HDDC2: variants seen among roughly 807,000 people sequenced by gnomAD.
HDDC2 encodes 5'-deoxynucleotidase HDDC2.
Under a neutral mutation model 25.5 loss-of-function variants are expected in HDDC2, and 25 were observed. That is an observed-to-expected ratio of 0.98 (90% CI 0.72 to 1.37). The LOEUF is 1.37. HDDC2 is among the 40% of genes most tolerant of loss of function. The probability of loss-of-function intolerance (pLI) is 0.00; values close to 1 mark genes in which losing one functional copy is unlikely to be tolerated. For missense variants in HDDC2, 264 were observed against 253.1 expected, an observed-to-expected ratio of 1.04 and a Z score of -0.29; for synonymous variants, 106 against 89.7, an observed-to-expected ratio of 1.18 and a Z score of -1.03.
At chr6:125,280,205 G>A (rs888072124) in intron 4 of HDDC2, among the ~76,000 whole-genome samples, 91 of 152,242 alleles carry the variant, frequency 6.0e-4, no homozygotes, top group African/African-American at 2.2e-3. Flanking sequence ...GGTGCATTCC[G>A]GCCCAGATAC....
intron 4 of HDDC2, chr6:125,278,598 G>A (rs2115100305): frequency 6.6e-6 from 1 of 152,306 alleles, no homozygotes; most frequent in East Asian, 1.9e-4. Flanking sequence ...AACTCTAGGG[G>A]TGAGAAGAAT....
At chr6:125,286,983 T>C (rs1798547627) in intron 4 of HDDC2, among the ~76,000 whole-genome samples, 1 of 152,218 alleles carries the variant, frequency 6.6e-6, no homozygotes. Flanking sequence ...TATGCCCCCA[T>C]AGTTTTGCCA....
chr6:125,301,764 G>T, intron 1 of HDDC2, 85 bp downstream of exon 1: 1 of 1,016,222 alleles, frequency 9.8e-7, no homozygotes, highest in Non-Finnish European at 1.4e-6. Flanking sequence ...GGCAAAGACC[G>T]CCGGCCGAGC....
chr6:125,294,982 T>C (rs538499122), intron 3 of HDDC2, among the ~76,000 whole-genome samples: 113 of 152,382 alleles, frequency 7.4e-4, no homozygotes, highest in African/African-American at 2.7e-3. Flanking sequence ...GGCTGATTGA[T>C]ATTTGTTAAT....
Position 125,275,403 on chromosome 6 carries a change from TC to T in HDDC2, c.*742del, listed in dbSNP as rs34648273. Reference sequence around the variant, plus strand: ...AGAGGAAGAAATCGGGTTGATATATTCCCTACCTGAGGCTCAATGACCCCAG... The same window carrying T: ...AGAGGAAGAAATCGGGTTGATATATTCCTACCTGAGGCTCAATGACCCCAG... On this transcript the variant is annotated 3_prime_UTR_variant, in exon 6 of 6. Coordinates refer to ENST00000398153, the MANE Select transcript of HDDC2 (RefSeq NM_016063.3). 1 of 152,178 alleles carries T rather than the reference TC, an allele frequency of 6.6e-6. No individual in the cohort carries two copies. The highest frequency in any genetic ancestry group is 1.9e-4 in the East Asian group (1 of 5,204). The allele number at this position is 152,178 out of a possible 1,614,324, so 9.4% of individuals were successfully genotyped here.
chr6:125,288,485 G>A (rs1044606220), intron 4 of HDDC2, among the ~76,000 whole-genome samples: 4 of 152,200 alleles, frequency 2.6e-5, no homozygotes, highest in African/African-American at 9.7e-5. Context: ...AGGAGTCCAA[G>A]CAGGATGGAG....
At chr6:125,289,622 C>A (rs565289488) in intron 4 of HDDC2, among the ~76,000 whole-genome samples, 32 of 152,278 alleles carry the variant, frequency 2.1e-4, no homozygotes, top group African/African-American at 7.7e-4. Flanking sequence ...CCTCTCCAAC[C>A]TCCTAGTGAC....
At chr6:125,284,261 T>A (rs146730706) in intron 4 of HDDC2, among the ~76,000 whole-genome samples, 1 of 151,992 alleles carries the variant, frequency 6.6e-6, no homozygotes, top group Non-Finnish European at 1.5e-5. Context: ...AGGCAAAGAC[T>A]TCATGACTAA....
chr6:125,286,927 G>A lies in HDDC2; in HGVS notation c.378+5914C>T, dbSNP rs578239263. 8.5e-5 allele frequency among the ~76,000 whole-genome samples: 13 copies of A among 152,228 alleles called. No homozygotes were observed. The South Asian group carries it at 1.2e-3, about 15-fold the overall frequency. On this transcript the variant is annotated intron_variant, in intron 4 of 5. Coordinates refer to ENST00000398153, the MANE Select transcript of HDDC2 (RefSeq NM_016063.3). ...CCCCAAAGTATTAAGGGATATAAGC[G>A]TGAAGAAAAACTAGTCATTATGTGG...
intron 3 of HDDC2, 167 bp from the exon 4 acceptor site, chr6:125,293,076 G>C (rs1798655408): frequency 4.3e-6 from 3 of 696,988 alleles, no homozygotes; most frequent in Non-Finnish European, 7.9e-6. Context: ...AAGGCAGGCA[G>C]TTGTATACCT....
chr6:125,296,165 C>A (rs1282498593), intron 3 of HDDC2, among the ~76,000 whole-genome samples: 1 of 151,728 alleles, frequency 6.6e-6, no homozygotes, highest in Non-Finnish European at 1.5e-5. Flanking sequence ...ACAGTGTTAT[C>A]AACTATTTAC....
intron 3 of HDDC2, among the ~76,000 whole-genome samples, chr6:125,294,417 C>T (rs1483002758): frequency 6.6e-6 from 1 of 152,214 alleles, no homozygotes; most frequent in East Asian, 1.9e-4. Flanking sequence ...GGTAGCATCA[C>T]ACTACCCTTA....
chr6:125,277,269 G>C (rs750561763), intron 4 of HDDC2, 29 bp from the exon 5 acceptor site: 1 of 1,611,400 alleles, frequency 6.2e-7, no homozygotes, highest in Non-Finnish European at 8.5e-7. Flanking sequence ...AAAGCAGCAT[G>C]ATTAGCGCTG....
At chr6:125,286,051 G>T (rs1798529514) in intron 4 of HDDC2, among the ~76,000 whole-genome samples, 1 of 152,120 alleles carries the variant, frequency 6.6e-6, no homozygotes, top group Admixed American at 6.5e-5. Context: ...CTGGGAACAA[G>T]GATTTTACAT....
At chr6:125,298,139 G>A (rs1583056115) in intron 3 of HDDC2, among the ~76,000 whole-genome samples, 1 of 152,022 alleles carries the variant, frequency 6.6e-6, no homozygotes, top group Non-Finnish European at 1.5e-5. Context: ...ACTACCTATT[G>A]GCTTACTATC....
chr6:125,280,565 G>A (rs138880105), intron 4 of HDDC2, among the ~76,000 whole-genome samples: 70 of 152,326 alleles, frequency 4.6e-4, no homozygotes, highest in African/African-American at 1.6e-3. Flanking sequence ...AGGGGCGTCC[G>A]CCATTTCTGA....
intron 5 of HDDC2, 130 bp downstream of exon 5, chr6:125,276,967 CCCTTT>C: frequency 1.2e-6 from 1 of 830,426 alleles, no homozygotes; most frequent in Non-Finnish European, 1.9e-6. Context: ...ATGTTTCCTT[CCCTTT>C]CTTTTTAGAT....
At chr6:125,282,367 AG>A (rs1485307815) in intron 4 of HDDC2, among the ~76,000 whole-genome samples, 1 of 151,924 alleles carries the variant, frequency 6.6e-6, no homozygotes, top group African/African-American at 2.4e-5. Flanking sequence ...AAAAGAAAAA[AG>A]AAAAAAGAAA....
At chr6:125,298,652 A>G (rs767734870) in intron 3 of HDDC2, 62 bp downstream of exon 3, 1 of 1,211,080 alleles carries the variant, frequency 8.3e-7, no homozygotes, top group East Asian at 2.3e-5. Context: ...TCATAAACTT[A>G]GCTTTGCTTC....
Sources: gnomAD v4.1 joint callset for allele counts (sites outside exome capture counted in the v4.1 genomes callset) on GRCh38, gnomAD v4.1.1 for gene constraint, MANE v1.5 for transcripts, NCBI Gene and HGNC (gene_info 2026-07-23, HGNC 2026-07-21) for gene names.